Variants in MCUR1 observed in about 807,000 individuals in gnomAD.
The protein encoded by MCUR1 is MCU regulator 1.
Under a neutral mutation model 42.0 loss-of-function variants are expected in MCUR1, and 37 were observed. The ratio of observed to expected loss-of-function variants is 0.88; its 90% CI spans 0.68 to 1.16. The LOEUF is 1.16. MCUR1 is among the 50% of genes most tolerant of loss of function. The probability of loss-of-function intolerance (pLI) is 0.00; values close to 1 mark genes in which losing one functional copy is unlikely to be tolerated. For missense variants in MCUR1, 469 were observed against 468.4 expected, an observed-to-expected ratio of 1.00 and a Z score of -0.01; for synonymous variants, 229 against 196.2, an observed-to-expected ratio of 1.17 and a Z score of -1.40.
Position 13,791,924 on chromosome 6 carries a change from T to C in MCUR1, c.978A>G (p.Lys326=). 1 of 1,614,086 alleles carries C rather than the reference T, an allele frequency of 6.2e-7. No homozygotes were observed. The highest frequency in any genetic ancestry group is 1.1e-5 in the South Asian group (1 of 91,068). The change falls in exon 8 of 9, where the codon AAA becomes AAG. Residue 326 remains lysine (K), a synonymous_variant. Transcript: ENST00000379170. The part of the protein sequence containing the change: ...RKIETEVAGL[K]TMLESHKLDN... ...CAAGCTTGTGTGACTCAAGCATGGT[T>C]TTGAGGCCAGCAACCTCAGTTTCGA... is the stretch of plus-strand genomic sequence containing the variant.
intron 1 of MCUR1, among the ~76,000 whole-genome samples, chr6:13,811,566 C>T (rs1046740626): frequency 1.3e-5 from 2 of 152,054 alleles, no homozygotes; most frequent in Non-Finnish European, 2.9e-5. Context: ...CAGAAGAGAC[C>T]TAGCCTGAGA....
rs1584993198 is a variant in MCUR1, at chr6:13,814,117, C to T, written c.313G>A (p.Gly105Arg). 2 of 1,256,998 alleles carry T rather than the reference C, an allele frequency of 1.6e-6. No individual in the cohort carries two copies. The highest frequency in any genetic ancestry group is 3.2e-5 in the East Asian group (1 of 31,608). The allele number at this position is 1,256,998 out of a possible 1,614,324, so 77.9% of individuals were successfully genotyped here. A position where few individuals can be genotyped will look rare whatever the true frequency, so the allele number is the denominator to read the frequency against. The stretch of plus-strand genomic sequence containing the variant: ...GAGCACCTCCACGCGCTGCTGCGCC[C>T]GGCCGGGGGTGCGGCATACCCGAGG... ...SRLGYAAPPA[G>R]RSSAWRCSPG... Residue 105 changes from glycine (G) to arginine (R), a missense_variant, in exon 1 of 9, where the codon GGG becomes AGG. Coordinates refer to ENST00000379170, the MANE Select transcript of MCUR1 (RefSeq NM_001031713.4).
In MCUR1 at chr6:13,814,448, C is replaced by A; in HGVS notation, c.-19G>T. 6.7e-7 allele frequency: 1 copy of A among 1,490,774 alleles called. No individual in the cohort carries two copies. Among genetic ancestry groups the A allele is most frequent in the Non-Finnish European group, 8.8e-7 (1 of 1,131,356 alleles). The allele number at this position is 1,490,774 out of a possible 1,614,324, so 92.3% of individuals were successfully genotyped here. A position where few individuals can be genotyped will look rare whatever the true frequency, so the allele number is the denominator to read the frequency against. ...AGTCCATCCCCGAGCAGTTCACTGG[C>A]CCGGGCGCGCGCTCATGCCTCTCGC... On this transcript the variant is annotated 5_prime_UTR_variant, in exon 1 of 9. Coordinates refer to ENST00000379170, the MANE Select transcript of MCUR1 (RefSeq NM_001031713.4).
At chr6:13,803,661 C>G in intron 2 of MCUR1, 1 of 791,726 alleles carries the variant, frequency 1.3e-6, no homozygotes. Context: ...CCATCACTTT[C>G]GTCAAAATTC....
chr6:13,794,048 G>A (rs188520044), intron 6 of MCUR1, 101 bp from the exon 7 acceptor site: 20 of 982,410 alleles, frequency 2.0e-5, no homozygotes, highest in Middle Eastern at 2.3e-4. Flanking sequence ...CCTAGAATAC[G>A]TAACACCAGA....
chr6:13,796,291 C>CTTTTTTTTTTTT (rs369077522), intron 6 of MCUR1, among the ~76,000 whole-genome samples: 1 of 139,264 alleles, frequency 7.2e-6, no homozygotes, highest in African/African-American at 2.7e-5. Flanking sequence ...TTTTTCTTTT[C>CTTTTTTTTTTTT]TTTTTTTTTT....
chr6:13,797,937 T>G (rs1268770564), intron 6 of MCUR1, among the ~76,000 whole-genome samples: 1 of 151,150 alleles, frequency 6.6e-6, no homozygotes, highest in Non-Finnish European at 1.5e-5. Flanking sequence ...GCAGGAGAAT[T>G]GCTTAAACCC....
intron 6 of MCUR1, among the ~76,000 whole-genome samples, chr6:13,794,552 GGAT>G (rs1288363611): frequency 1.3e-5 from 2 of 151,932 alleles, no homozygotes; most frequent in East Asian, 3.9e-4. Flanking sequence ...TAGCTGCCAA[GGAT>G]TATTATTCTA....
chr6:13,804,870 C>T (rs1372087258), intron 2 of MCUR1, among the ~76,000 whole-genome samples: 5 of 149,746 alleles, frequency 3.3e-5, no homozygotes, highest in African/African-American at 7.4e-5. Context: ...TTTGTAGACA[C>T]GAGGGAATAG....
chr6:13,790,867 G>A lies in MCUR1; in HGVS notation c.1025-3C>T, dbSNP rs948912878. The stretch of plus-strand genomic sequence containing the variant: ...TGTTAGGCACGTAAATATAGACCCT[G>A]TAAGAAAAAAACAATTGAGAGTACT... On this transcript the variant is annotated splice_region_variant and splice_polypyrimidine_tract_variant and intron_variant, in intron 8 of 8. Coordinates refer to ENST00000379170, the MANE Select transcript of MCUR1 (RefSeq NM_001031713.4). 3 of 1,602,986 alleles carry A rather than the reference G, an allele frequency of 1.9e-6. No homozygotes were observed. The highest frequency in any genetic ancestry group is 1.3e-5 in the African/African-American group (1 of 74,276).
chr6:13,802,411 C>T, intron 2 of MCUR1, 65 bp from the exon 3 acceptor site: 1 of 1,266,416 alleles, frequency 7.9e-7, no homozygotes, highest in Non-Finnish European at 1.1e-6. Context: ...CAAATGCACA[C>T]ATTCATGTGA....
At chr6:13,792,573 T>C (rs1030680587) in intron 7 of MCUR1, among the ~76,000 whole-genome samples, 15 of 152,188 alleles carry the variant, frequency 9.9e-5, no homozygotes, top group Non-Finnish European at 2.2e-4. Context: ...CACGGCCAAT[T>C]TGTGTCCTTC....
rs1760001970 is a variant in MCUR1, at chr6:13,802,039, A to G, written c.639+204T>C. Among the ~76,000 whole-genome samples, 4 of 152,308 alleles carry G rather than the reference A, an allele frequency of 2.6e-5. 1 individual carries two copies. The South Asian group carries it at 8.3e-4, about 32-fold the overall frequency. ...GAATAATTTTGAACAGTGAGCTTTCAAGCATAACGATTCTACAACTGTTGA... is the reference window on the plus strand; with the variant it reads ...GAATAATTTTGAACAGTGAGCTTTCGAGCATAACGATTCTACAACTGTTGA... On this transcript the variant is annotated intron_variant, in intron 3 of 8. Coordinates refer to ENST00000379170, the MANE Select transcript of MCUR1 (RefSeq NM_001031713.4).
At chr6:13,802,440 A>C (rs1430184448) in intron 2 of MCUR1, 94 bp from the exon 3 acceptor site, 1 of 963,204 alleles carries the variant, frequency 1.0e-6, no homozygotes, top group Non-Finnish European at 1.6e-6. Context: ...ATCCAGGAGG[A>C]AGAGTACAGC....
At chr6:13,797,032 A>C (rs993346551) in intron 6 of MCUR1, among the ~76,000 whole-genome samples, 4 of 152,262 alleles carry the variant, frequency 2.6e-5, no homozygotes, top group African/African-American at 9.6e-5. Flanking sequence ...TTGTAAGACT[A>C]GAAAGACAGG....
intron 1 of MCUR1, among the ~76,000 whole-genome samples, chr6:13,813,660 T>C (rs1004705323): frequency 6.6e-6 from 1 of 152,082 alleles, no homozygotes; most frequent in Non-Finnish European, 1.5e-5. Context: ...ACACACCCCT[T>C]CCCCTTGAAC....
At chr6:13,809,942 C>T (rs548729785) in intron 1 of MCUR1, among the ~76,000 whole-genome samples, 22 of 151,862 alleles carry the variant, frequency 1.4e-4, no homozygotes, top group African/African-American at 2.4e-4. Flanking sequence ...TGGTGGCTCA[C>T]GCCTGTAATC....
chr6:13,807,464 TCATC>T (rs1760135871), intron 1 of MCUR1, among the ~76,000 whole-genome samples: 3 of 152,220 alleles, frequency 2.0e-5, no homozygotes, highest in African/African-American at 7.2e-5. Flanking sequence ...TTTTCAAGGG[TCATC>T]CGTGTTGTAG....
Position 13,801,400 on chromosome 6 carries a change from A to C in MCUR1, c.640-11T>G. ...CTGAAAAGTGATTTCCTAGGAAAAG[A>C]AAAACAAAACACATAATCTAGTCTA... On this transcript the variant is annotated splice_polypyrimidine_tract_variant and intron_variant, in intron 3 of 8. Transcript: ENST00000379170. 6.3e-7 allele frequency: 1 copy of C among 1,585,930 alleles called. No individual in the cohort carries two copies. The highest frequency in any genetic ancestry group is 8.6e-7 in the Non-Finnish European group (1 of 1,159,054).
Sources: gnomAD v4.1 joint callset for allele counts (sites outside exome capture counted in the v4.1 genomes callset) on GRCh38, gnomAD v4.1.1 for gene constraint, MANE v1.5 for transcripts, NCBI Gene and HGNC (gene_info 2026-07-23, HGNC 2026-07-21) for gene names.